LRRC4C: variants seen among roughly 807,000 people sequenced by gnomAD.
The protein encoded by LRRC4C is leucine-rich repeat-containing protein 4C.
Under a neutral mutation model 33.6 loss-of-function variants are expected in LRRC4C, and 5 were observed. The ratio of observed to expected loss-of-function variants is 0.15; its 90% CI spans 0.08 to 0.31. The LOEUF (loss-of-function observed/expected upper bound fraction) is 0.31. Among genes scored for constraint, LRRC4C ranks in the 10% least tolerant of loss-of-function variants. The pLI is 1.00. For synonymous variants in LRRC4C, 329 were observed against 302.0 expected (o/e 1.09, Z -0.93); for missense variants, 560 against 796.7 (o/e 0.70, Z 3.58).
intron 2 of LRRC4C, among the ~76,000 whole-genome samples, chr11:40,697,609 T>C (rs1303502895): frequency 3.9e-5 from 6 of 152,214 alleles, no homozygotes; most frequent in African/African-American, 1.2e-4. Flanking sequence ...CTATGGATCA[T>C]ACCTGCATAA....
intron 2 of LRRC4C, among the ~76,000 whole-genome samples, chr11:40,804,442 T>C (rs1214177431): frequency 6.6e-6 from 1 of 152,246 alleles, no homozygotes; most frequent in Non-Finnish European, 1.5e-5. Context: ...TTCCCTGGGA[T>C]GTGCACCACC....
In LRRC4C at chr11:40,214,993, A is replaced by G. The variant is rs568013589; in HGVS notation, c.-96+26526T>C. Among the ~76,000 whole-genome samples, 45 of 152,192 alleles carry G rather than the reference A, an allele frequency of 3.0e-4. 1 individual carries two copies. The Middle Eastern group carries it at 0.01, about 35-fold the overall frequency. On this transcript the variant is annotated intron_variant, in intron 5 of 6. Coordinates refer to ENST00000528697, the MANE Select transcript of LRRC4C (RefSeq NM_001258419.2). ...TACTGTGCGCAGCCTGTGTGAAGGG[A>G]CCTGGAAGTCCTTACTCCTGTCTGC...
Position 41,155,478 on chromosome 11 carries a change from A to G in LRRC4C, c.-495-221755T>C, listed in dbSNP as rs1590777192. Among the ~76,000 whole-genome samples, 3 of 152,274 alleles carry G rather than the reference A, an allele frequency of 2.0e-5. No individual in the cohort carries two copies. In the South Asian group the frequency reaches 6.2e-4, roughly 32 times the overall value. ...TGATGAAGATTTAAAGGTCTGCCTGAATCAATGATACGAAACGTTTAACTT... is the reference window on the plus strand; with the variant it reads ...TGATGAAGATTTAAAGGTCTGCCTGGATCAATGATACGAAACGTTTAACTT... On this transcript the variant is annotated intron_variant, in intron 1 of 6. Coordinates refer to ENST00000528697, the MANE Select transcript of LRRC4C (RefSeq NM_001258419.2).
chr11:40,257,985 T>C (rs1590839709), intron 4 of LRRC4C, among the ~76,000 whole-genome samples: 1 of 152,160 alleles, frequency 6.6e-6, no homozygotes, highest in African/African-American at 2.4e-5. Flanking sequence ...ATCCACAGGG[T>C]ATATGCCTCT....
intron 3 of LRRC4C, among the ~76,000 whole-genome samples, chr11:40,491,004 C>T (rs1954121108): frequency 6.6e-6 from 1 of 152,010 alleles, no homozygotes; most frequent in Admixed American, 6.6e-5. Context: ...TGTGTATAGG[C>T]AGGGCACATT....
intron 4 of LRRC4C, among the ~76,000 whole-genome samples, chr11:40,284,062 A>C (rs1943670764): frequency 6.6e-6 from 1 of 152,248 alleles, no homozygotes; most frequent in Non-Finnish European, 1.5e-5. Flanking sequence ...AATACATATA[A>C]CAATAGTAAG....
chr11:40,678,838 G>A (rs1944538927), intron 2 of LRRC4C, among the ~76,000 whole-genome samples: 2 of 152,078 alleles, frequency 1.3e-5, no homozygotes, highest in Admixed American at 6.6e-5. Context: ...CATGAGAACG[G>A]GATAATACAG....
intron 1 of LRRC4C, among the ~76,000 whole-genome samples, chr11:41,356,380 C>T (rs1952162098): frequency 6.6e-6 from 1 of 152,204 alleles, no homozygotes; most frequent in Non-Finnish European, 1.5e-5. Context: ...AAGACATACA[C>T]GCCTTCCTCC....
chr11:41,252,481 C>G (rs1948671514), intron 1 of LRRC4C, among the ~76,000 whole-genome samples: 2 of 151,900 alleles, frequency 1.3e-5, no homozygotes, highest in Non-Finnish European at 2.9e-5. Context: ...GAATCCGGAC[C>G]CAATAGTCAG....
chr11:40,786,538 T>C (rs1021290419), intron 2 of LRRC4C, among the ~76,000 whole-genome samples: 11 of 152,316 alleles, frequency 7.2e-5, no homozygotes, highest in South Asian at 6.2e-4. Flanking sequence ...ACGTATATCA[T>C]ATACCTCTGA....
chr11:40,922,267 T>C (rs1319730680), intron 2 of LRRC4C, among the ~76,000 whole-genome samples: 1 of 152,144 alleles, frequency 6.6e-6, no homozygotes, highest in Non-Finnish European at 1.5e-5. Context: ...TTCCTGAAAA[T>C]GTATTATACT....
intron 1 of LRRC4C, among the ~76,000 whole-genome samples, chr11:41,054,975 A>G (rs1858512685): frequency 6.6e-6 from 1 of 152,208 alleles, no homozygotes; most frequent in Non-Finnish European, 1.5e-5. Flanking sequence ...AAATACAGAA[A>G]TAATAAGTGT....
intron 5 of LRRC4C, among the ~76,000 whole-genome samples, chr11:40,175,425 T>G (rs1860394428): frequency 1.3e-5 from 2 of 152,164 alleles, no homozygotes; most frequent in Non-Finnish European, 2.9e-5. Flanking sequence ...ACAGCTGAAT[T>G]CTTCTACTCA....
At chr11:41,270,298 G>GT (rs1353484231) in intron 1 of LRRC4C, among the ~76,000 whole-genome samples, 7 of 152,206 alleles carry the variant, frequency 4.6e-5, no homozygotes, top group African/African-American at 1.7e-4. Context: ...AATTTTGCAG[G>GT]TAACTACAAT....
chr11:40,225,927 C>T (rs1864763514), intron 5 of LRRC4C, among the ~76,000 whole-genome samples: 1 of 152,114 alleles, frequency 6.6e-6, no homozygotes, highest in African/African-American at 2.4e-5. Flanking sequence ...CCTATATTTC[C>T]CAATTCTTAC....
intron 3 of LRRC4C, among the ~76,000 whole-genome samples, chr11:40,504,478 T>C (rs1042478953): frequency 6.6e-6 from 1 of 151,850 alleles, no homozygotes; most frequent in African/African-American, 2.4e-5. Flanking sequence ...GCATCTGTCC[T>C]CCAAGTGGAC....
chr11:41,449,551 G>A (rs1384524077), intron 1 of LRRC4C, among the ~76,000 whole-genome samples: 1 of 151,994 alleles, frequency 6.6e-6, no homozygotes, highest in African/African-American at 2.4e-5. Flanking sequence ...TAGAAAGGCA[G>A]GTTTTTCTGG....
intron 6 of LRRC4C, among the ~76,000 whole-genome samples, chr11:40,137,163 CGTGTGTGT>C (rs3039962): frequency 0.04 from 5,981 of 147,750 alleles, 303 homozygotes; most frequent in African/African-American, 0.11. Flanking sequence ...CACGTGGGCA[CGTGTGTGT>C]GTGTGTGTGT....
At chr11:40,602,925 C>T (rs1960173865) in intron 3 of LRRC4C, among the ~76,000 whole-genome samples, 1 of 152,096 alleles carries the variant, frequency 6.6e-6, no homozygotes, top group African/African-American at 2.4e-5. Flanking sequence ...TGTCTAGCCA[C>T]CCCTTCACAC....
Sources: gnomAD v4.1 joint callset for allele counts (sites outside exome capture counted in the v4.1 genomes callset) on GRCh38, gnomAD v4.1.1 for gene constraint, MANE v1.5 for transcripts, NCBI Gene and HGNC (gene_info 2026-07-23, HGNC 2026-07-21) for gene names.